The following PTPRM variants were observed in gnomAD, a reference collection of about 807,000 sequenced individuals.
PTPRM encodes the protein protein tyrosine phosphatase receptor type M, also known as receptor-type tyrosine-protein phosphatase mu.
A neutral mutation model predicts 186.7 loss-of-function variants in PTPRM; 47 were observed. The ratio of observed to expected loss-of-function variants is 0.25; its 90% CI spans 0.20 to 0.32. The LOEUF (loss-of-function observed/expected upper bound fraction) is 0.32, where lower values mean the gene tolerates loss of function less well. Among genes scored for constraint, PTPRM ranks in the 10% least tolerant of loss-of-function variants. The probability of loss-of-function intolerance (pLI) is 1.00; values close to 1 mark genes in which losing one functional copy is unlikely to be tolerated. For synonymous variants in PTPRM, 668 were observed against 674.9 expected, an observed-to-expected ratio of 0.99 and a Z score of 0.16; for missense variants, 1,494 against 1,865.0, an observed-to-expected ratio of 0.80 and a Z score of 3.66.
intron 2 of PTPRM, among the ~76,000 whole-genome samples, chr18:7,875,447 C>A (rs952954757): frequency 6.6e-6 from 1 of 151,724 alleles, no homozygotes; most frequent in African/African-American, 2.4e-5. Flanking sequence ...CCTCAGCCTC[C>A]CGAGTAGCTG....
chr18:8,135,153 A>G (rs905582824), intron 13 of PTPRM, among the ~76,000 whole-genome samples: 1 of 152,186 alleles, frequency 6.6e-6, no homozygotes, highest in South Asian at 2.1e-4. Flanking sequence ...TTCCTTTACA[A>G]TTCAGAGTGT....
intron 8 of PTPRM, among the ~76,000 whole-genome samples, chr18:8,070,667 TATAA>T (rs1405748115): frequency 3.3e-5 from 5 of 152,206 alleles, no homozygotes; most frequent in Non-Finnish European, 7.3e-5. Flanking sequence ...AATGCGTGGA[TATAA>T]ATGTTTCTTT....
chr18:8,074,698 C>CT (rs1271457703), intron 8 of PTPRM, among the ~76,000 whole-genome samples: 1 of 152,052 alleles, frequency 6.6e-6, no homozygotes, highest in Non-Finnish European at 1.5e-5. Flanking sequence ...ATTTGTTTGT[C>CT]TTTTTTGGAG....
intron 1 of PTPRM, among the ~76,000 whole-genome samples, chr18:7,616,889 G>A (rs61288642): frequency 0.028 from 4,193 of 152,192 alleles, 180 homozygotes; most frequent in African/African-American, 0.094. Flanking sequence ...CCTGGCCAGC[G>A]CCCAGGATGT....
At chr18:7,842,176 T>A (rs2046358549) in intron 2 of PTPRM, among the ~76,000 whole-genome samples, 2 of 152,178 alleles carry the variant, frequency 1.3e-5, no homozygotes, top group African/African-American at 4.8e-5. Context: ...TAAATGAACC[T>A]CTGGTTTATA....
At chr18:7,607,291 T>G (rs1416282454) in intron 1 of PTPRM, among the ~76,000 whole-genome samples, 1 of 152,192 alleles carries the variant, frequency 6.6e-6, no homozygotes, top group Non-Finnish European at 1.5e-5. Flanking sequence ...AAATTCTCAC[T>G]GCAACCAGTT....
At chr18:7,888,631 A>G (rs1712554509) in intron 3 of PTPRM, among the ~76,000 whole-genome samples, 2 of 152,206 alleles carry the variant, frequency 1.3e-5, no homozygotes, top group African/African-American at 4.8e-5. Flanking sequence ...TACTGGGTAT[A>G]TAACCAAAGG....
intron 2 of PTPRM, among the ~76,000 whole-genome samples, chr18:7,781,804 A>AT (rs201078993): frequency 8.6e-5 from 13 of 151,594 alleles, no homozygotes; most frequent in East Asian, 1.9e-4. Context: ...TGAATTTGAC[A>AT]TTTTTTTTTA....
In PTPRM at chr18:8,375,618, G is replaced by A. The variant is rs140932413; in HGVS notation, c.3172-428G>A. Reference sequence around the variant, plus strand: ...CCAGGATGCCGGAAAGCCCCAACACGGAGTTGGTATTGAGCACACAGACAT... The same window carrying A: ...CCAGGATGCCGGAAAGCCCCAACACAGAGTTGGTATTGAGCACACAGACAT... On this transcript the variant is annotated intron_variant, in intron 24 of 32. Coordinates refer to ENST00000580170, the MANE Select transcript of PTPRM (RefSeq NM_001105244.2). Among the ~76,000 whole-genome samples, 392 of 152,236 alleles carry A rather than the reference G, an allele frequency of 2.6e-3. 2 individuals carry two copies. Among genetic ancestry groups the A allele is most frequent in the African/African-American group, 9.1e-3 (378 of 41,532 alleles).
intron 22 of PTPRM, among the ~76,000 whole-genome samples, chr18:8,339,268 G>A (rs1339040165): frequency 2.6e-5 from 4 of 151,796 alleles, no homozygotes; most frequent in Admixed American, 6.6e-5. Context: ...TCTCAGTAGA[G>A]GTCTCTGTGT....
At chr18:7,614,726 T>C (rs2037759733) in intron 1 of PTPRM, among the ~76,000 whole-genome samples, 1 of 152,206 alleles carries the variant, frequency 6.6e-6, no homozygotes, top group Non-Finnish European at 1.5e-5. Context: ...TCAGCTGCTG[T>C]TGACAAACAG....
At chr18:7,590,993 A>G (rs2037111169) in intron 1 of PTPRM, among the ~76,000 whole-genome samples, 1 of 152,244 alleles carries the variant, frequency 6.6e-6, no homozygotes, top group Non-Finnish European at 1.5e-5. Flanking sequence ...AGGAACTGTG[A>G]TGATTTTGTG....
chr18:8,352,779 C>A (rs533454455), intron 23 of PTPRM, among the ~76,000 whole-genome samples: 145 of 151,954 alleles, frequency 9.5e-4, no homozygotes, highest in African/African-American at 3.5e-3. Context: ...TCAAGCAATT[C>A]TCTGCCTCAG....
At chr18:7,814,336 G>A (rs1311443892) in intron 2 of PTPRM, 4 of 152,148 alleles carry the variant, frequency 2.6e-5, no homozygotes, top group African/African-American at 7.2e-5. Flanking sequence ...TAAGTACCAC[G>A]GTAAAATTAT....
intron 2 of PTPRM, among the ~76,000 whole-genome samples, chr18:7,886,559 A>AT (rs1291904735): frequency 6.6e-6 from 1 of 152,054 alleles, no homozygotes; most frequent in African/African-American, 2.4e-5. Context: ...GTGAAAGGGT[A>AT]TTTTTTTCAT....
chr18:8,156,557 G>A (rs1174155018), intron 14 of PTPRM, among the ~76,000 whole-genome samples: 2 of 152,156 alleles, frequency 1.3e-5, no homozygotes, highest in Non-Finnish European at 2.9e-5. Flanking sequence ...CCCAGCAGTT[G>A]GAGAACTTGT....
chr18:8,366,689 C>T (rs1028898532), intron 23 of PTPRM, among the ~76,000 whole-genome samples: 1 of 152,210 alleles, frequency 6.6e-6, no homozygotes, highest in Admixed American at 6.5e-5. Context: ...CCCTTTGGAG[C>T]AGGGACCACA....
chr18:7,861,602 T>C (rs1317473827), intron 2 of PTPRM, among the ~76,000 whole-genome samples: 1 of 152,214 alleles, frequency 6.6e-6, no homozygotes, highest in African/African-American at 2.4e-5. Context: ...TGAAAGCTTC[T>C]GTTAGGAGGT....
chr18:7,666,487 C>G (rs2039098267), intron 1 of PTPRM, among the ~76,000 whole-genome samples: 1 of 152,146 alleles, frequency 6.6e-6, no homozygotes, highest in Non-Finnish European at 1.5e-5. Context: ...TAACTGTTCT[C>G]TTTGAGTTAT....
Sources: gnomAD v4.1 joint callset for allele counts (sites outside exome capture counted in the v4.1 genomes callset) on GRCh38, gnomAD v4.1.1 for gene constraint, MANE v1.5 for transcripts, NCBI Gene and HGNC (gene_info 2026-07-23, HGNC 2026-07-21) for gene names.